DYNC2H1: variants seen among roughly 807,000 people sequenced by gnomAD.
DYNC2H1 encodes the protein dynein cytoplasmic 2 heavy chain 1.
A neutral mutation model predicts 570.0 loss-of-function variants in DYNC2H1; 410 were observed. The ratio of observed to expected loss-of-function variants is 0.72; its 90% CI spans 0.66 to 0.78. The LOEUF (loss-of-function observed/expected upper bound fraction) is 0.78. Ranked by LOEUF, DYNC2H1 falls within the 30% of genes least tolerant of loss-of-function variation. The pLI, the probability that DYNC2H1 is intolerant of heterozygous loss-of-function variation, is 0.00. For synonymous variants in DYNC2H1, 1,688 were observed against 1,677.6 expected (o/e 1.01, Z -0.15); for missense variants, 4,865 against 5,046.4 (o/e 0.96, Z 1.09).
intron 40 of DYNC2H1, among the ~76,000 whole-genome samples, chr11:103,182,725 G>A (rs1244015716): frequency 6.6e-6 from 1 of 151,838 alleles, no homozygotes; most frequent in Non-Finnish European, 1.5e-5. Context: ...TATGAAAAAT[G>A]AAAACATATA....
intron 82 of DYNC2H1, among the ~76,000 whole-genome samples, chr11:103,336,938 A>G (rs1217001416): frequency 6.6e-6 from 1 of 152,140 alleles, no homozygotes; most frequent in Non-Finnish European, 1.5e-5. Flanking sequence ...CAGGCCCCCA[A>G]ATCTGGCCCC....
chr11:103,109,596 G>C lies in DYNC2H1; in HGVS notation c.22G>C (p.Val8Leu). Residue 8 changes from valine (V) to leucine (L), a missense_variant, in exon 1 of 89, where the codon GTT (valine) becomes CTT (leucine). Transcript: ENST00000375735. MANGTADVRKLFIFTTTQ... is the reference protein window; with the variant it reads MANGTADLRKLFIFTTTQ... Reference sequence around the variant, plus strand: ...AATCATGGCGAACGGGACTGCGGACGTTCGGAAGCTCTTCATCTTCACTAC... The same window carrying C: ...AATCATGGCGAACGGGACTGCGGACCTTCGGAAGCTCTTCATCTTCACTAC... 3.1e-6 allele frequency: 5 copies of C among 1,613,760 alleles called. No individual in the cohort carries two copies. Among genetic ancestry groups the C allele is most frequent in the Non-Finnish European group, 4.2e-6 (5 of 1,179,822 alleles).
intron 87 of DYNC2H1, among the ~76,000 whole-genome samples, chr11:103,457,284 T>A (rs988032275): frequency 1.5e-4 from 23 of 152,326 alleles, no homozygotes; most frequent in African/African-American, 5.5e-4. Flanking sequence ...TAGAGTGTAC[T>A]CCTTCTAATT....
chr11:103,116,599 A>T lies in DYNC2H1; in HGVS notation c.651A>T (p.Leu217Phe), dbSNP rs750368287. 6.2e-7 allele frequency: 1 copy of T among 1,608,026 alleles called. No individual in the cohort carries two copies. The highest frequency in any genetic ancestry group is 1.7e-5 in the Admixed American group (1 of 59,626). ...REFYNLDSLS[L>F]LEVVDLVETT... is the part of the protein sequence containing the mutation. The stretch of plus-strand genomic sequence containing the variant: ...TTTATAACTTGGACAGTCTATCCTT[A>T]CTAGAAGTTGTTGACTTGGTGGAGA... Residue 217 changes from leucine to phenylalanine, a missense_variant, in exon 5 of 89, where the codon TTA becomes TTT. Coordinates refer to ENST00000375735, the MANE Select transcript of DYNC2H1 (RefSeq NM_001377.3).
At chr11:103,456,099 G>C (rs1021960126) in intron 86 of DYNC2H1, among the ~76,000 whole-genome samples, 176 bp from the exon 87 acceptor site, 1 of 152,074 alleles carries the variant, frequency 6.6e-6, no homozygotes, top group African/African-American at 2.4e-5. Flanking sequence ...GAGACTGACA[G>C]TTAGCTTTGA....
chr11:103,222,272 T>TATTTTTTTTTTAGGAATTACACTTGGG (rs1863617634), intron 58 of DYNC2H1, 119 bp downstream of exon 58: 1 of 716,390 alleles, frequency 1.4e-6, no homozygotes, highest in African/African-American at 1.8e-5. Context: ...AAATAAAAAA[T>TATTTTTTTTTTAGGAATTACACTTGGG]AAGCTTATAG....
chr11:103,292,314 T>G, intron 75 of DYNC2H1, among the ~76,000 whole-genome samples: 1 of 152,174 alleles, frequency 6.6e-6, no homozygotes, highest in East Asian at 1.9e-4. Flanking sequence ...CAGTGGATTT[T>G]AAACTGATGA....
intron 59 of DYNC2H1, among the ~76,000 whole-genome samples, chr11:103,225,884 C>T (rs1271167095): frequency 6.6e-6 from 1 of 151,778 alleles, no homozygotes. Flanking sequence ...CATCTGTGAG[C>T]ATGGGATATG....
chr11:103,391,205 C>CT (rs1942134298), intron 83 of DYNC2H1, among the ~76,000 whole-genome samples: 1 of 152,140 alleles, frequency 6.6e-6, no homozygotes, highest in Non-Finnish European at 1.5e-5. Context: ...TCTTTTTACT[C>CT]TTTTTTCTCT....
chr11:103,153,539 T>G, intron 22 of DYNC2H1, 31 bp downstream of exon 22: 12 of 1,510,816 alleles, frequency 7.9e-6, no homozygotes, highest in Non-Finnish European at 9.8e-6. Context: ...TGATAGTGCT[T>G]ATTTTGAAAA....
At chr11:103,288,888 AAAAAAAAAG>A (rs1309557746) in intron 75 of DYNC2H1, among the ~76,000 whole-genome samples, 13 of 150,326 alleles carry the variant, frequency 8.6e-5, no homozygotes, top group African/African-American at 1.7e-4. Context: ...CTCAAAAAAA[AAAAAAAAAG>A]AAAGAAAATT....
In DYNC2H1 at chr11:103,445,683, G is replaced by C. The variant is rs187250389; in HGVS notation, c.12457-9503G>C. On this transcript the variant is annotated intron_variant, in intron 85 of 88. Transcript: ENST00000375735. Reference sequence around the variant, plus strand: ...TTGTTGTTTTTTGAGACGGAGTCTCGCTCTGTTGCCCAGGCTGGGGTGCAG... The same window carrying C: ...TTGTTGTTTTTTGAGACGGAGTCTCCCTCTGTTGCCCAGGCTGGGGTGCAG... Among the ~76,000 whole-genome samples, 6 of 152,224 alleles carry C rather than the reference G, an allele frequency of 3.9e-5. No homozygotes were observed. The East Asian group carries it at 1.2e-3, about 29-fold the overall frequency.
At chr11:103,258,542 G>A (rs1051813594) in intron 69 of DYNC2H1, among the ~76,000 whole-genome samples, 5 of 151,620 alleles carry the variant, frequency 3.3e-5, no homozygotes, top group Admixed American at 6.5e-5. Context: ...GGCTAAGACA[G>A]GTGCTTCACT....
intron 84 of DYNC2H1, among the ~76,000 whole-genome samples, chr11:103,412,759 T>A (rs1446422087): frequency 6.6e-6 from 1 of 152,222 alleles, no homozygotes; most frequent in Non-Finnish European, 1.5e-5. Flanking sequence ...CTGACCACCT[T>A]AAAAATTGAA....
chr11:103,224,254 A>T (rs1364017696), intron 59 of DYNC2H1, among the ~76,000 whole-genome samples: 1 of 125,480 alleles, frequency 8.0e-6, no homozygotes, highest in Non-Finnish European at 1.5e-5. Flanking sequence ...ATGTTCTTTT[A>T]AAAAAAAAAA....
At chr11:103,433,233 G>A (rs1004490891) in intron 84 of DYNC2H1, among the ~76,000 whole-genome samples, 1 of 151,456 alleles carries the variant, frequency 6.6e-6, no homozygotes, top group African/African-American at 2.4e-5. Flanking sequence ...TATCTATCTC[G>A]CTATAAAATG....
At chr11:103,112,124 A>G (rs1858144779) in intron 1 of DYNC2H1, among the ~76,000 whole-genome samples, 1 of 152,162 alleles carries the variant, frequency 6.6e-6, no homozygotes, top group South Asian at 2.1e-4. Flanking sequence ...GATTTGAATG[A>G]TGAGTTGCAG....
intron 76 of DYNC2H1, among the ~76,000 whole-genome samples, chr11:103,303,838 A>C (rs1349141564): frequency 6.6e-6 from 1 of 152,166 alleles, no homozygotes; most frequent in African/African-American, 2.4e-5. Context: ...GTTATAGGAA[A>C]TTCATACATT....
intron 25 of DYNC2H1, among the ~76,000 whole-genome samples, chr11:103,156,175 A>G (rs187094364): frequency 3.4e-4 from 52 of 152,110 alleles, no homozygotes; most frequent in African/African-American, 1.1e-3. Context: ...TATTTTGACC[A>G]TGTGAACCAG....
Sources: allele counts gnomAD v4.1 joint callset (sites outside exome capture counted in the v4.1 genomes callset), GRCh38; gene constraint gnomAD v4.1.1; transcripts MANE v1.5; gene names NCBI Gene and HGNC (gene_info 2026-07-23, HGNC 2026-07-21).